Variants in CNOT9 observed in about 807,000 individuals in gnomAD.
The protein encoded by CNOT9 is CCR4-NOT transcription complex subunit 9.
In CNOT9, 8 loss-of-function variants were observed where a neutral mutation model predicts 37.4. That is an observed-to-expected ratio of 0.21 (90% CI 0.13 to 0.39). The LOEUF is 0.39. CNOT9 is among the 10% of genes least tolerant of loss of function. CNOT9 has a pLI of 1.00. For missense variants in CNOT9, 154 were observed against 365.3 expected (o/e 0.42, Z 4.71); for synonymous variants, 120 against 137.6 (o/e 0.87, Z 0.90).
intron 1 of CNOT9, among the ~76,000 whole-genome samples, chr2:218,570,763 T>G (rs946985763): frequency 1.3e-5 from 2 of 152,234 alleles, no homozygotes; most frequent in Non-Finnish European, 2.9e-5. Flanking sequence ...AATTGCTCCC[T>G]AATGCATCTT....
chr2:218,583,227 GTGTGTGTCTCTCTCTCTCTCTCTC>G (rs1254762602), intron 3 of CNOT9, 141 bp downstream of exon 3: 237 of 210,034 alleles, frequency 1.1e-3, no homozygotes, highest in African/African-American at 4.7e-3. Flanking sequence ...GTGTGTGTGT[GTGTGTGTCTCTCTCTCTCTCTCTC>G]TCTCTCTCTC....
chr2:218,583,261 C>CCTGG (rs1694478036), intron 3 of CNOT9, among the ~76,000 whole-genome samples, 175 bp downstream of exon 3: 1 of 136,574 alleles, frequency 7.3e-6, no homozygotes, highest in African/African-American at 3.3e-5. Flanking sequence ...CTCTCTCTCT[C>CCTGG]TCTCTCTCTC....
intron 5 of CNOT9, among the ~76,000 whole-genome samples, chr2:218,590,814 TGTTG>T (rs1220332256): frequency 3.9e-5 from 6 of 151,900 alleles, no homozygotes; most frequent in Admixed American, 3.9e-4. Flanking sequence ...TTGTTGTTGT[TGTTG>T]TTGTTTTGTT....
At chr2:218,580,826 T>C (rs1694346785) in intron 2 of CNOT9, 86 bp downstream of exon 2, 2 of 1,248,544 alleles carry the variant, frequency 1.6e-6, no homozygotes, top group Non-Finnish European at 2.3e-6. Flanking sequence ...TTTGAAGACT[T>C]TAGGAGGATG....
rs894657229 is a variant in CNOT9 at position 218,595,376 on chromosome 2, A to G, written c.*1100A>G. 3.1e-5 allele frequency: 4 copies of G among 129,832 alleles called. No individual in the cohort carries two copies. The highest frequency in any genetic ancestry group is 6.4e-5 in the Non-Finnish European group (4 of 62,728). 8.0% of individuals were successfully genotyped at this position (129,832 alleles called of 1,614,324 possible). On this transcript the variant is annotated 3_prime_UTR_variant, in exon 8 of 8. Transcript: ENST00000273064. ...TGAGTTAATTTTATTCAGATTGAAG[A>G]TGGAGGGCTGGGTTCTGCTCACTCA...
intron 1 of CNOT9, among the ~76,000 whole-genome samples, chr2:218,579,700 G>A (rs926306326): frequency 2.6e-5 from 4 of 152,012 alleles, no homozygotes; most frequent in African/African-American, 9.7e-5. Flanking sequence ...TGTTAGCCAG[G>A]ATGGTCTCAA....
At chr2:218,580,358 A>G (rs1694332277) in intron 1 of CNOT9, among the ~76,000 whole-genome samples, 1 of 152,186 alleles carries the variant, frequency 6.6e-6, no homozygotes, top group African/African-American at 2.4e-5. Context: ...ATTCCTAAAC[A>G]TGGAATTATC....
chr2:218,569,047 T>A lies in CNOT9; in HGVS notation c.24+69T>A, dbSNP rs370804190. On this transcript the variant is annotated intron_variant, in intron 1 of 7. Transcript: ENST00000273064. ...AGACCCACGTTTCGGCCTTCTCTCC[T>A]AATTCCCGGTGTCGGGTCCCTAGTC... 1.0e-4 allele frequency: 161 copies of A among 1,553,260 alleles called. No homozygotes were observed. The East Asian group carries it at 1.4e-3, about 14-fold the overall frequency.
At chr2:218,591,951 G>C (rs1435373457) in intron 5 of CNOT9, among the ~76,000 whole-genome samples, 1 of 152,096 alleles carries the variant, frequency 6.6e-6, no homozygotes, top group Non-Finnish European at 1.5e-5. Context: ...CGGGCACATA[G>C]TAGGTACTCT....
chr2:218,590,797 CTTGTTGTT>C (rs959855003), intron 5 of CNOT9, among the ~76,000 whole-genome samples: 3 of 150,700 alleles, frequency 2.0e-5, no homozygotes, highest in Non-Finnish European at 4.4e-5. Flanking sequence ...CTACATCTCT[CTTGTTGTT>C]GTTGTTGTTG....
At chr2:218,570,933 G>A (rs1693970818) in intron 1 of CNOT9, among the ~76,000 whole-genome samples, 1 of 152,104 alleles carries the variant, frequency 6.6e-6, no homozygotes, top group Non-Finnish European at 1.5e-5. Context: ...AAATTCCTTC[G>A]TACCACTCAT....
intron 4 of CNOT9, among the ~76,000 whole-genome samples, chr2:218,585,109 A>T (rs1342023501): frequency 1.3e-5 from 2 of 151,372 alleles, no homozygotes; most frequent in Non-Finnish European, 2.9e-5. Flanking sequence ...TTTCTTTCTG[A>T]TAGGGTCTTG....
intron 4 of CNOT9, chr2:218,587,356 C>T: frequency 3.9e-6 from 3 of 759,950 alleles, no homozygotes; most frequent in Non-Finnish European, 5.0e-6. Context: ...CTCCCGACCT[C>T]AAGTGATCTG....
chr2:218,585,394 TTA>T (rs765551316), intron 4 of CNOT9, among the ~76,000 whole-genome samples: 30 of 152,088 alleles, frequency 2.0e-4, no homozygotes, highest in South Asian at 1.2e-3. Flanking sequence ...TACTTTTTTT[TTA>T]GTCTCTACTA....
Position 218,580,659 on chromosome 2 carries a change from G to C in CNOT9, c.123G>C (p.Glu41Asp). ...SPETRENALL[E>D]LSKKRESVPD... ...AGACTAGGGAAAATGCTTTGCTGGAGCTAAGTAAGAAGCGAGAATCTGTTC... is the reference window on the plus strand; with the variant it reads ...AGACTAGGGAAAATGCTTTGCTGGACCTAAGTAAGAAGCGAGAATCTGTTC... The change falls in exon 2 of 8, where the codon GAG becomes GAC. Residue 41 changes from glutamate (E) to aspartate (D), a missense_variant. Glu to Asp is a conservative substitution (Grantham distance 45, BLOSUM62 2). Around this residue, in one of 2 missense-constraint regions of CNOT9, gnomAD observed 117 missense variants for 325.4 expected, o/e 0.36. Transcript: ENST00000273064. 3.1e-6 allele frequency: 5 copies of C among 1,614,096 alleles called. No homozygotes were observed. The highest frequency in any genetic ancestry group is 4.2e-6 in the Non-Finnish European group (5 of 1,179,966).
chr2:218,571,880 G>A (rs936049711), intron 1 of CNOT9, among the ~76,000 whole-genome samples: 6 of 150,612 alleles, frequency 4.0e-5, no homozygotes, highest in African/African-American at 1.2e-4. Flanking sequence ...CACTGCGCCC[G>A]ACCTTGCTGT....
intron 5 of CNOT9, among the ~76,000 whole-genome samples, chr2:218,588,975 G>A (rs1055211073): frequency 6.6e-6 from 1 of 151,678 alleles, no homozygotes; most frequent in Non-Finnish European, 1.5e-5. Context: ...CATCAGTTAT[G>A]CTCTATTATC....
intron 1 of CNOT9, chr2:218,573,997 T>A: frequency 2.3e-6 from 1 of 433,348 alleles, no homozygotes; most frequent in South Asian, 1.6e-5. Context: ...TGAGACAGGA[T>A]CTCGCTTTGT....
rs1157475192 is a variant in CNOT9, at chr2:218,592,594, C to A, written c.640-22C>A. 1 of 1,610,858 alleles carries A rather than the reference C, an allele frequency of 6.2e-7. No homozygotes were observed. Among genetic ancestry groups the A allele is most frequent in the Non-Finnish European group, 8.5e-7 (1 of 1,176,984 alleles). On this transcript the variant is annotated intron_variant, in intron 6 of 7. Coordinates refer to ENST00000273064, the MANE Select transcript of CNOT9 (RefSeq NM_005444.3). This position sits in a 1 kb window ranked among gnomAD's most constrained non-coding sequence, Gnocchi z 4.1. The stretch of plus-strand genomic sequence containing the variant: ...GTTTTGTGTGTTTTTTCCAACCCCT[C>A]CCCTTATTTTGGGGGAAACAGGGTA...
Sources: gnomAD v4.1 joint callset for allele counts (sites outside exome capture counted in the v4.1 genomes callset) on GRCh38, gnomAD v4.1.1 for gene constraint, gnomAD v4.1.1 regional missense constraint, Gnocchi (gnomAD v3.1) non-coding constraint, MANE v1.5 for transcripts, NCBI Gene and HGNC (gene_info 2026-07-23, HGNC 2026-07-21) for gene names.